ERBB4: variants seen among roughly 807,000 people sequenced by gnomAD.
ERBB4 encodes the protein receptor tyrosine-protein kinase erbB-4.
In ERBB4, 42 loss-of-function variants were observed where a neutral mutation model predicts 158.0. The ratio of observed to expected loss-of-function variants is 0.27; its 90% CI spans 0.21 to 0.34. ERBB4 has a LOEUF of 0.34. Among genes scored for constraint, ERBB4 ranks in the 10% least tolerant of loss-of-function variants. The pLI is 1.00. For missense variants in ERBB4, 1,333 were observed against 1,624.1 expected (o/e 0.82, Z 3.08); for synonymous variants, 583 against 558.7 (o/e 1.04, Z -0.61).
At chr2:212,513,429 C>T (rs1413292092) in intron 1 of ERBB4, among the ~76,000 whole-genome samples, 1 of 152,184 alleles carries the variant, frequency 6.6e-6, no homozygotes, top group Non-Finnish European at 1.5e-5. Flanking sequence ...ATACCTTATA[C>T]ATATTTTTCA....
rs187118596 is a variant in ERBB4 at position 212,171,688 on chromosome 2, G to A, written c.83-46785C>T. On this transcript the variant is annotated intron_variant, in intron 1 of 27. Coordinates refer to ENST00000342788, the MANE Select transcript of ERBB4 (RefSeq NM_005235.3). Reference sequence around the variant, plus strand: ...AGATATGATGGTTTTATAAGGGTTTGATGGTTACTCCTTTACATAGTTCTC... The same window carrying A: ...AGATATGATGGTTTTATAAGGGTTTAATGGTTACTCCTTTACATAGTTCTC... Among the ~76,000 whole-genome samples the A allele has an allele frequency of 3.9e-3, 587 of 152,212 alleles. 1 individual carries two copies. The highest frequency in any genetic ancestry group is 0.012 in the African/African-American group (512 of 41,538).
At chr2:212,170,360 A>G (rs1415291714) in intron 1 of ERBB4, among the ~76,000 whole-genome samples, 2 of 152,272 alleles carry the variant, frequency 1.3e-5, no homozygotes, top group East Asian at 3.9e-4. Flanking sequence ...TTATGTTTAA[A>G]AAGGAAGCAG....
At chr2:211,450,582 T>A (rs2064220762) in intron 20 of ERBB4, among the ~76,000 whole-genome samples, 1 of 152,168 alleles carries the variant, frequency 6.6e-6, no homozygotes, top group Non-Finnish European at 1.5e-5. Context: ...CATTACTTAA[T>A]GTCAAATAAA....
At chr2:212,420,199 A>C (rs2091761620) in intron 1 of ERBB4, among the ~76,000 whole-genome samples, 1 of 152,056 alleles carries the variant, frequency 6.6e-6, no homozygotes, top group South Asian at 2.1e-4. Context: ...AGTACAGCCA[A>C]TTATGTCTTC....
chr2:211,791,203 C>T (rs1024787235), intron 3 of ERBB4, among the ~76,000 whole-genome samples: 2 of 151,644 alleles, frequency 1.3e-5, no homozygotes, highest in African/African-American at 4.8e-5. Context: ...GAGGCTTGAC[C>T]GCATTTTTTA....
At chr2:211,661,911 C>A (rs555553449) in intron 15 of ERBB4, among the ~76,000 whole-genome samples, 1 of 147,350 alleles carries the variant, frequency 6.8e-6, no homozygotes, top group Non-Finnish European at 1.5e-5. Flanking sequence ...TAGTGGCGGG[C>A]GCCTGTAGTC....
At chr2:211,682,687 G>A (rs950767029) in intron 12 of ERBB4, among the ~76,000 whole-genome samples, 1 of 152,102 alleles carries the variant, frequency 6.6e-6, no homozygotes, top group South Asian at 2.1e-4. Context: ...TACATTTCTG[G>A]TTCTCTACTC....
At chr2:211,529,629 T>C (rs2066442008) in intron 20 of ERBB4, among the ~76,000 whole-genome samples, 1 of 152,058 alleles carries the variant, frequency 6.6e-6, no homozygotes, top group Non-Finnish European at 1.5e-5. Context: ...TTCAACAACA[T>C]ATTGGAAAGA....
chr2:212,165,966 A>C lies in ERBB4; in HGVS notation c.83-41063T>G, dbSNP rs533350063. ...ATTTGCAAAATAGTAACTATGTTAC[A>C]ACAATATGTACTGATAACATAGATC... is the stretch of plus-strand genomic sequence containing the variant. On this transcript the variant is annotated intron_variant, in intron 1 of 27. Transcript: ENST00000342788. Among the ~76,000 whole-genome samples, 3 of 152,208 alleles carry C rather than the reference A, an allele frequency of 2.0e-5. No homozygotes were observed. The South Asian group carries it at 6.2e-4, about 32-fold the overall frequency.
At chr2:211,572,138 A>C (rs914632878) in intron 19 of ERBB4, among the ~76,000 whole-genome samples, 5 of 152,192 alleles carry the variant, frequency 3.3e-5, no homozygotes, top group Non-Finnish European at 7.3e-5. Context: ...ATTCAGGCTC[A>C]CATCACTACT....
intron 4 of ERBB4, among the ~76,000 whole-genome samples, chr2:211,765,505 C>A (rs1420000902): frequency 6.6e-6 from 1 of 152,074 alleles, no homozygotes; most frequent in Non-Finnish European, 1.5e-5. Flanking sequence ...AAAAAAAAAT[C>A]TCTGAGCCCA....
intron 1 of ERBB4, among the ~76,000 whole-genome samples, chr2:212,402,691 A>G (rs554166567): frequency 6.6e-6 from 1 of 152,228 alleles, no homozygotes; most frequent in South Asian, 2.1e-4. Context: ...AAAAGTCAGT[A>G]ATTTGCATAA....
At chr2:211,438,637 T>C (rs1020834903) in intron 20 of ERBB4, among the ~76,000 whole-genome samples, 29 of 152,330 alleles carry the variant, frequency 1.9e-4, no homozygotes, top group Admixed American at 8.5e-4. Flanking sequence ...ATTTGACCAC[T>C]TTAAAGGCAG....
intron 1 of ERBB4, among the ~76,000 whole-genome samples, chr2:212,494,067 T>C (rs1159044015): frequency 6.6e-6 from 1 of 151,890 alleles, no homozygotes; most frequent in Non-Finnish European, 1.5e-5. Context: ...ATAACTATTA[T>C]ATGTATACTG....
Position 211,892,537 on chromosome 2 carries a change from A to C in ERBB4, c.421+54893T>G, listed in dbSNP as rs2078995513. Reference sequence around the variant, plus strand: ...CTCTCTCACCACTCCAATTCAACATAGTGTTGGAAGTTCTGGCCAGGGCAA... The same window carrying C: ...CTCTCTCACCACTCCAATTCAACATCGTGTTGGAAGTTCTGGCCAGGGCAA... On this transcript the variant is annotated intron_variant, in intron 3 of 27. Coordinates refer to ENST00000342788, the MANE Select transcript of ERBB4 (RefSeq NM_005235.3). Among the ~76,000 whole-genome samples the C allele has an allele frequency of 1.4e-5, 2 of 141,624 alleles. 1 individual carries two copies. Among genetic ancestry groups the C allele is most frequent in the Non-Finnish European group, 3.0e-5 (2 of 65,636 alleles). 92.9% of individuals were successfully genotyped at this position (141,624 alleles called of 152,430 possible).
intron 4 of ERBB4, among the ~76,000 whole-genome samples, chr2:211,751,605 TATTA>T (rs1365684234): frequency 1.3e-5 from 2 of 152,228 alleles, no homozygotes; most frequent in Non-Finnish European, 1.5e-5. Flanking sequence ...AATTGTTTAA[TATTA>T]ATTGTTAATA....
At chr2:211,936,846 A>G (rs2080337790) in intron 3 of ERBB4, among the ~76,000 whole-genome samples, 1 of 152,172 alleles carries the variant, frequency 6.6e-6, no homozygotes, top group Non-Finnish European at 1.5e-5. Context: ...ATTATGCCAA[A>G]AAGTGTTGGG....
intron 1 of ERBB4, among the ~76,000 whole-genome samples, chr2:212,526,604 A>T (rs1411768917): frequency 6.6e-6 from 1 of 152,046 alleles, no homozygotes. Context: ...ATATTTTTTT[A>T]AAACTGTGAC....
intron 3 of ERBB4, among the ~76,000 whole-genome samples, chr2:211,897,455 A>G (rs2079127152): frequency 6.6e-6 from 1 of 151,966 alleles, no homozygotes; most frequent in Admixed American, 6.6e-5. Context: ...AAAAAAAAAA[A>G]ATCTGCCTGA....
Sources: gnomAD v4.1 joint callset for allele counts (sites outside exome capture counted in the v4.1 genomes callset) on GRCh38, gnomAD v4.1.1 for gene constraint, MANE v1.5 for transcripts, NCBI Gene and HGNC (gene_info 2026-07-23, HGNC 2026-07-21) for gene names.